HECW2: variants seen among roughly 807,000 people sequenced by gnomAD.
The protein encoded by HECW2 is E3 ubiquitin-protein ligase HECW2.
Under a neutral mutation model 175.2 loss-of-function variants are expected in HECW2, and 61 were observed. The ratio of observed to expected loss-of-function variants is 0.35; its 90% CI spans 0.28 to 0.43. HECW2 has a LOEUF of 0.43. Among genes scored for constraint, HECW2 ranks in the 20% least tolerant of loss-of-function variants. The probability of loss-of-function intolerance (pLI) is 1.00; values close to 1 mark genes in which losing one functional copy is unlikely to be tolerated. For missense variants in HECW2, 1,524 were observed against 2,000.5 expected (o/e 0.76, Z 4.54); for synonymous variants, 671 against 731.0 (o/e 0.92, Z 1.32).
intron 1 of HECW2, among the ~76,000 whole-genome samples, chr2:196,527,159 G>A (rs948953579): frequency 6.6e-6 from 1 of 152,254 alleles, no homozygotes; most frequent in Non-Finnish European, 1.5e-5. Flanking sequence ...CTCCCAGCCA[G>A]GTGTGGGATA....
At chr2:196,270,425 C>T (rs1331636590) in intron 17 of HECW2, among the ~76,000 whole-genome samples, 6 of 152,154 alleles carry the variant, frequency 3.9e-5, no homozygotes, top group Non-Finnish European at 7.3e-5. Context: ...AGAGAGGGCT[C>T]ATGCAAGGTG....
At chr2:196,323,889 G>A (rs1280869431) in intron 6 of HECW2, among the ~76,000 whole-genome samples, 1 of 144,444 alleles carries the variant, frequency 6.9e-6, no homozygotes, top group Non-Finnish European at 1.5e-5. Context: ...TAAGTGGCAT[G>A]CCCTTAAGAG....
chr2:196,349,540 C>T (rs1378628), intron 2 of HECW2, among the ~76,000 whole-genome samples: 148,954 of 151,286 alleles, frequency 0.98, 73,311 homozygotes, highest in Non-Finnish European at 0.99. Context: ...TGTGTGTGTG[C>T]GCGCGCACAC....
intron 16 of HECW2, 56 bp downstream of exon 16, chr2:196,273,965 C>T: frequency 7.9e-7 from 1 of 1,273,780 alleles, no homozygotes; most frequent in Non-Finnish European, 1.1e-6. Flanking sequence ...GCACAGTGTA[C>T]ATGGTACAGA....
At chr2:196,561,653 A>G (rs1690005711) in intron 1 of HECW2, among the ~76,000 whole-genome samples, 1 of 152,032 alleles carries the variant, frequency 6.6e-6, no homozygotes, top group Non-Finnish European at 1.5e-5. Flanking sequence ...TTTATTTCTC[A>G]GACCGGCCGG....
At chr2:196,366,738 C>G (rs1693755714) in intron 2 of HECW2, among the ~76,000 whole-genome samples, 1 of 152,108 alleles carries the variant, frequency 6.6e-6, no homozygotes, top group Non-Finnish European at 1.5e-5. Flanking sequence ...TGCATTAACT[C>G]CATATTAATG....
chr2:196,294,060 G>A (rs555337564), intron 13 of HECW2, among the ~76,000 whole-genome samples: 1 of 151,966 alleles, frequency 6.6e-6, no homozygotes, highest in East Asian at 1.9e-4. Context: ...TGTATATTTG[G>A]TTGGATGTAT....
At chr2:196,532,748 A>G (rs1415100828) in intron 1 of HECW2, among the ~76,000 whole-genome samples, 1 of 152,006 alleles carries the variant, frequency 6.6e-6, no homozygotes, top group East Asian at 1.9e-4. Context: ...CTTATCAACT[A>G]CCTTGCTATC....
chr2:196,303,613 A>G (rs769394128), intron 13 of HECW2, among the ~76,000 whole-genome samples: 3 of 152,132 alleles, frequency 2.0e-5, no homozygotes, highest in Admixed American at 6.5e-5. Flanking sequence ...CATAGATTCA[A>G]TTTCATCCTG....
intron 1 of HECW2, among the ~76,000 whole-genome samples, chr2:196,552,993 C>A (rs550300531): frequency 1.6e-4 from 25 of 152,338 alleles, no homozygotes; most frequent in African/African-American, 6.0e-4. Context: ...CTGGATAAGG[C>A]CCCAGGGGGA....
chr2:196,197,790 A>G lies in HECW2; in HGVS notation c.*3487T>C, dbSNP rs1035565071. The G allele has an allele frequency of 6.6e-6, 1 of 152,224 alleles. No individual in the cohort carries two copies. Among genetic ancestry groups the G allele is most frequent in the Non-Finnish European group, 1.5e-5 (1 of 68,028 alleles). The allele number at this position is 152,224 out of a possible 1,614,324, so 9.4% of individuals were successfully genotyped here. ...AAATCAGCCACAACCCAGATGGAAC[A>G]TGATGCTTGTACCCTACAAAGTGCG... On this transcript the variant is annotated 3_prime_UTR_variant, in exon 29 of 29. Transcript: ENST00000644978.
At chr2:196,385,663 C>T (rs1291270830) in intron 2 of HECW2, among the ~76,000 whole-genome samples, 1 of 152,154 alleles carries the variant, frequency 6.6e-6, no homozygotes, top group Non-Finnish European at 1.5e-5. Flanking sequence ...CACATGGGGA[C>T]TGAAAATACT....
At chr2:196,439,360 G>C (rs1695974011) in intron 1 of HECW2, among the ~76,000 whole-genome samples, 1 of 152,154 alleles carries the variant, frequency 6.6e-6, no homozygotes, top group Non-Finnish European at 1.5e-5. Context: ...AAAACCACTA[G>C]AAGTTCTGCC....
At chr2:196,435,428 T>C (rs150348136) in intron 1 of HECW2, among the ~76,000 whole-genome samples, 17 of 152,362 alleles carry the variant, frequency 1.1e-4, no homozygotes, top group African/African-American at 3.8e-4. Flanking sequence ...CAGCAAGAAC[T>C]ATAAATAATC....
rs748221519 is a variant in HECW2, at chr2:196,198,947, T to G, written c.*2330A>C. 1 of 152,192 alleles carries G rather than the reference T, an allele frequency of 6.6e-6. No individual in the cohort carries two copies. Among genetic ancestry groups the G allele is most frequent in the Non-Finnish European group, 1.5e-5 (1 of 68,012 alleles). The allele number at this position is 152,192 out of a possible 1,614,324, so 9.4% of individuals were successfully genotyped here. ...AATGTCTACATACATTAAAGTGTACTGTTATTTGGGAAAAAGTTGGATGCC... is the reference window on the plus strand; with the variant it reads ...AATGTCTACATACATTAAAGTGTACGGTTATTTGGGAAAAAGTTGGATGCC... On this transcript the variant is annotated 3_prime_UTR_variant, in exon 29 of 29. Transcript: ENST00000644978.
chr2:196,228,355 A>T lies in HECW2; in HGVS notation c.3765-101T>A, dbSNP rs914536121. 1.2e-5 allele frequency: 13 copies of T among 1,070,904 alleles called. No individual in the cohort carries two copies. In the South Asian group the frequency reaches 1.8e-4, roughly 15 times the overall value. The allele number at this position is 1,070,904 out of a possible 1,614,324, so 66.3% of individuals were successfully genotyped here. The stretch of plus-strand genomic sequence containing the variant: ...AGTTTCCATAGGATGCTCATTACAA[A>T]TCTAATTGTCCACATGCCAGAGCTG... On this transcript the variant is annotated intron_variant, in intron 21 of 28. Coordinates refer to ENST00000644978, the MANE Select transcript of HECW2 (RefSeq NM_001348768.2).
intron 17 of HECW2, among the ~76,000 whole-genome samples, chr2:196,267,177 A>C (rs1376902450): frequency 6.6e-6 from 1 of 152,140 alleles, no homozygotes; most frequent in African/African-American, 2.4e-5. Flanking sequence ...TGGACTTAAT[A>C]ATCATATTAG....
intron 2 of HECW2, among the ~76,000 whole-genome samples, chr2:196,377,306 T>C (rs909141045): frequency 1.1e-4 from 17 of 152,196 alleles, no homozygotes; most frequent in Non-Finnish European, 1.3e-4. Flanking sequence ...ATTCTTGATA[T>C]AAGGTACTAA....
At chr2:196,401,671 G>A (rs568618281) in intron 2 of HECW2, among the ~76,000 whole-genome samples, 1 of 152,272 alleles carries the variant, frequency 6.6e-6, no homozygotes, top group South Asian at 2.1e-4. Context: ...TACACAGTCA[G>A]GGTATATATT....
Sources: allele counts gnomAD v4.1 joint callset (sites outside exome capture counted in the v4.1 genomes callset), GRCh38; gene constraint gnomAD v4.1.1; transcripts MANE v1.5; gene names NCBI Gene and HGNC (gene_info 2026-07-23, HGNC 2026-07-21).